TMEM182: variants seen among roughly 807,000 people sequenced by gnomAD.
TMEM182 encodes transmembrane protein 182.
A neutral mutation model predicts 26.8 loss-of-function variants in TMEM182; 20 were observed. That is an observed-to-expected ratio of 0.75 (90% confidence interval 0.53 to 1.09). The LOEUF is 1.09. TMEM182 is among the 50% of genes least tolerant of loss of function. The probability of loss-of-function intolerance (pLI) is 0.00; values close to 1 mark genes in which losing one functional copy is unlikely to be tolerated. For synonymous variants in TMEM182, 109 were observed against 102.2 expected, an observed-to-expected ratio of 1.07 and a Z score of -0.40; for missense variants, 277 against 275.5, an observed-to-expected ratio of 1.01 and a Z score of -0.04.
At chr2:102,812,654 A>T (rs1682596321) in intron 4 of TMEM182, among the ~76,000 whole-genome samples, 1 of 152,188 alleles carries the variant, frequency 6.6e-6, no homozygotes. Flanking sequence ...TAATACTCAA[A>T]GTTCAGTGAT....
chr2:102,763,667 A>G (rs558246504), intron 2 of TMEM182, among the ~76,000 whole-genome samples: 16 of 152,280 alleles, frequency 1.1e-4, no homozygotes, highest in Non-Finnish European at 4.4e-5. Context: ...TGCCAGTGGA[A>G]ATGGTTTAGA....
intron 4 of TMEM182, 69 bp downstream of exon 4, chr2:102,798,069 T>C (rs1054238848): frequency 1.9e-6 from 3 of 1,541,388 alleles, no homozygotes; most frequent in South Asian, 1.3e-5. Context: ...TTTTCATTTC[T>C]ATATTCAGGC....
At chr2:102,737,300 A>C (rs540066650) in intron 1 of TMEM182, among the ~76,000 whole-genome samples, 1 of 152,346 alleles carries the variant, frequency 6.6e-6, no homozygotes, top group African/African-American at 2.4e-5. Context: ...AGGTGTGAGA[A>C]TTCTACACAT....
chr2:102,839,291 G>A (rs912834318), intron 3 of TMEM182, among the ~76,000 whole-genome samples: 18 of 152,102 alleles, frequency 1.2e-4, no homozygotes, highest in Admixed American at 6.5e-4. Flanking sequence ...TGGAAAAGAA[G>A]GAGATAGAGC....
In TMEM182 at chr2:102,762,336, C is replaced by A; in HGVS notation, c.119C>A (p.Ser40Ter). 6.2e-7 allele frequency: 1 copy of A among 1,613,802 alleles called. No individual in the cohort carries two copies. Among genetic ancestry groups the A allele is most frequent in the East Asian group, 2.2e-5 (1 of 44,848 alleles). The change falls in exon 1 of 5, where the codon TCA (serine) becomes TAA (stop). Residue 40 changes from serine to a stop codon, truncating the protein, a stop_gained. Transcript: ENST00000412401. LOFTEE classifies it high-confidence loss of function. ...WLLATEVGRC[S>*]GEKNIENVTF... ...CTTGCAACTGAAGTGGGGAGATGTT[C>A]AGGTGAAAAGAATGTGAGTCTCTTC...
At chr2:102,788,888 G>T (rs1681516235) in intron 3 of TMEM182, among the ~76,000 whole-genome samples, 1 of 152,178 alleles carries the variant, frequency 6.6e-6, no homozygotes, top group Admixed American at 6.5e-5. Context: ...ACTGGACTTT[G>T]CTTGGCATGT....
At chr2:102,757,110 A>G (rs1680064610), upstream of TMEM182, among the ~76,000 whole-genome samples, 1 of 152,070 alleles carries the variant, frequency 6.6e-6, no homozygotes. Flanking sequence ...GGGCCTGGCC[A>G]AAATCCTATT....
intron 3 of TMEM182, among the ~76,000 whole-genome samples, chr2:102,836,334 A>G (rs1278458881): frequency 6.6e-6 from 1 of 152,202 alleles, no homozygotes; most frequent in African/African-American, 2.4e-5. Context: ...GTAGCTGCAC[A>G]ATGTTGCATT....
chr2:102,822,140 T>TA (rs1558791772), downstream of TMEM182, among the ~76,000 whole-genome samples: 1 of 152,116 alleles, frequency 6.6e-6, no homozygotes, highest in East Asian at 1.9e-4. Context: ...AATAAATATT[T>TA]AAAAACAGTT....
intron 1 of TMEM182, among the ~76,000 whole-genome samples, chr2:102,756,655 G>A (rs1487079578): frequency 6.6e-6 from 1 of 152,124 alleles, no homozygotes; most frequent in Non-Finnish European, 1.5e-5. Context: ...GTTGCAGTGA[G>A]CTGAGTTCCT....
intron 3 of TMEM182, among the ~76,000 whole-genome samples, chr2:102,791,440 C>A (rs1681632686): frequency 6.6e-6 from 1 of 152,284 alleles, no homozygotes; most frequent in South Asian, 2.1e-4. Context: ...AAATGTAATT[C>A]TGTAAAAGTT....
chr2:102,790,393 G>A (rs537758175), intron 3 of TMEM182, among the ~76,000 whole-genome samples: 43 of 152,070 alleles, frequency 2.8e-4, no homozygotes, highest in Non-Finnish European at 5.6e-4. Context: ...AAATTAATGA[G>A]GTTTTAGTGC....
chr2:102,817,366 A>C lies in TMEM182; in HGVS notation c.*2398A>C, dbSNP rs1682791235. ...AGGATATCTTTTCAGTTACACTTTT[A>C]GAAAGAGTGAATAAAAAGGGCAGTG... On this transcript the variant is annotated 3_prime_UTR_variant, in exon 5 of 5. Transcript: ENST00000412401. 1 of 985,408 alleles carries C rather than the reference A, an allele frequency of 1.0e-6. No homozygotes were observed. Among genetic ancestry groups the C allele is most frequent in the Non-Finnish European group, 1.2e-6 (1 of 829,910 alleles). The allele number at this position is 985,408 out of a possible 1,614,324, so 61.0% of individuals were successfully genotyped here.
Position 102,775,999 on chromosome 2 carries a change from A to G in TMEM182, c.331+11572A>G, listed in dbSNP as rs187689980. 1.1e-4 allele frequency among the ~76,000 whole-genome samples: 16 copies of G among 152,300 alleles called. No individual in the cohort carries two copies. The East Asian group carries it at 1.9e-3, about 18-fold the overall frequency. Reference sequence around the variant, plus strand: ...CATTCTCCATGTGTTTATTGCTAGTATATAGAAATGAAATTCAGTTTTTTA... The same window carrying G: ...CATTCTCCATGTGTTTATTGCTAGTGTATAGAAATGAAATTCAGTTTTTTA... On this transcript the variant is annotated intron_variant, in intron 3 of 4. Transcript: ENST00000412401.
At chr2:102,827,058 G>A (rs1318045308) in intron 3 of TMEM182, among the ~76,000 whole-genome samples, 1 of 152,122 alleles carries the variant, frequency 6.6e-6, no homozygotes, top group Non-Finnish European at 1.5e-5. Flanking sequence ...CTTTGAAACG[G>A]GTCGCTCTCA....
At chr2:102,790,984 G>A (rs1489012211) in intron 3 of TMEM182, among the ~76,000 whole-genome samples, 1 of 152,102 alleles carries the variant, frequency 6.6e-6, no homozygotes, top group Non-Finnish European at 1.5e-5. Context: ...TGCCCAGGCT[G>A]GAGTGTAGTG....
chr2:102,834,484 C>T (rs966794662), intron 3 of TMEM182: 1 of 956,674 alleles, frequency 1.0e-6, no homozygotes, highest in African/African-American at 1.8e-5. Flanking sequence ...CTCCAACCCA[C>T]TTTCAGATGC....
At chr2:102,756,844 C>G (rs1022857153) in intron 1 of TMEM182, among the ~76,000 whole-genome samples, 2 of 151,584 alleles carry the variant, frequency 1.3e-5, no homozygotes, top group African/African-American at 4.9e-5. Context: ...GAGGGAGTCT[C>G]ACTGTGTAGC....
At chr2:102,753,439 T>C (rs1039214770) in intron 1 of TMEM182, among the ~76,000 whole-genome samples, 3 of 152,176 alleles carry the variant, frequency 2.0e-5, no homozygotes, top group African/African-American at 7.2e-5. Flanking sequence ...AAACTATTCA[T>C]TGGGGTCTAG....
Sources: allele counts gnomAD v4.1 joint callset (sites outside exome capture counted in the v4.1 genomes callset), GRCh38; gene constraint gnomAD v4.1.1; transcripts MANE v1.5; gene names NCBI Gene and HGNC (gene_info 2026-07-23, HGNC 2026-07-21).